The following REEP3 variants were observed in gnomAD, a reference collection of about 807,000 sequenced individuals.
The protein encoded by REEP3 is receptor expression-enhancing protein 3.
REEP3 carries 20 observed loss-of-function variants against 41.3 expected under a neutral mutation model. The observed-to-expected ratio is 0.48, with a 90% CI of 0.34 to 0.70. The LOEUF is 0.70. REEP3 is among the 30% of genes least tolerant of loss of function. The pLI, the probability that REEP3 is intolerant of heterozygous loss-of-function variation, is 0.01. For synonymous variants in REEP3, 104 were observed against 101.8 expected, an observed-to-expected ratio of 1.02 and a Z score of -0.13; for missense variants, 271 against 308.8, an observed-to-expected ratio of 0.88 and a Z score of 0.92.
chr10:63,589,557 A>G (rs972502871), intron 2 of REEP3, among the ~76,000 whole-genome samples: 2 of 152,056 alleles, frequency 1.3e-5, no homozygotes, highest in African/African-American at 4.8e-5. Context: ...CCTGCTTACC[A>G]TCTTTGGGTT....
intron 2 of REEP3, among the ~76,000 whole-genome samples, chr10:63,574,217 G>A (rs1445488159): frequency 3.3e-5 from 5 of 152,172 alleles, no homozygotes; most frequent in African/African-American, 9.6e-5. Flanking sequence ...TACGAAAGAT[G>A]ATTTAGCAGT....
At chr10:63,568,242 G>C (rs10995560) in intron 2 of REEP3, among the ~76,000 whole-genome samples, 2 of 151,498 alleles carry the variant, frequency 1.3e-5, no homozygotes, top group Non-Finnish European at 2.9e-5. Context: ...TTTGTTTTTC[G>C]AGTAAGTCAT....
intron 2 of REEP3, among the ~76,000 whole-genome samples, chr10:63,584,967 C>T (rs763066644): frequency 1.3e-5 from 2 of 152,044 alleles, no homozygotes; most frequent in Non-Finnish European, 2.9e-5. Context: ...AATCATTAGG[C>T]ATGTGTGATT....
chr10:63,613,371 T>C (rs1211590661), intron 6 of REEP3, among the ~76,000 whole-genome samples: 1 of 152,232 alleles, frequency 6.6e-6, no homozygotes, highest in Non-Finnish European at 1.5e-5. Flanking sequence ...TGTTTAGTTC[T>C]TAAATTTCAA....
At chr10:63,570,757 G>A (rs971870442) in intron 2 of REEP3, among the ~76,000 whole-genome samples, 3 of 152,194 alleles carry the variant, frequency 2.0e-5, no homozygotes, top group African/African-American at 7.2e-5. Context: ...CAAGGCATCT[G>A]CCTTTGACAG....
intron 2 of REEP3, among the ~76,000 whole-genome samples, chr10:63,570,182 C>T (rs909882830): frequency 3.3e-5 from 5 of 152,068 alleles, no homozygotes; most frequent in African/African-American, 1.2e-4. Flanking sequence ...TTTTATTCAA[C>T]TTTATAAAGA....
At chr10:63,550,774 C>T (rs1021913352) in intron 1 of REEP3, among the ~76,000 whole-genome samples, 1 of 152,030 alleles carries the variant, frequency 6.6e-6, no homozygotes, top group African/African-American at 2.4e-5. Flanking sequence ...GGCTAAGGAC[C>T]TCAGGTAGTA....
intron 2 of REEP3, among the ~76,000 whole-genome samples, chr10:63,589,500 C>T (rs528184739): frequency 1.3e-5 from 2 of 152,278 alleles, no homozygotes; most frequent in Non-Finnish European, 2.9e-5. Flanking sequence ...ATTTGTTCTC[C>T]TAGCCCCCTC....
chr10:63,589,914 C>G (rs1956044302), intron 2 of REEP3, among the ~76,000 whole-genome samples: 1 of 150,310 alleles, frequency 6.7e-6, no homozygotes, highest in African/African-American at 2.5e-5. Context: ...CCTGCCTCAG[C>G]CTCCCAAGTA....
At chr10:63,525,996 G>GT (rs1364674350) in intron 1 of REEP3, among the ~76,000 whole-genome samples, 1 of 152,164 alleles carries the variant, frequency 6.6e-6, no homozygotes, top group Non-Finnish European at 1.5e-5. Context: ...CTGGCACATA[G>GT]TAAGCATTCA....
intron 2 of REEP3, among the ~76,000 whole-genome samples, chr10:63,587,935 T>A (rs1231865466): frequency 6.6e-6 from 1 of 152,230 alleles, no homozygotes; most frequent in African/African-American, 2.4e-5. Context: ...TTTTCATACT[T>A]GTTTCATTGT....
Position 63,622,956 on chromosome 10 carries a change from C to G in REEP3, c.*2087C>G, listed in dbSNP as rs1025560703. 6.6e-6 allele frequency: 1 copy of G among 152,274 alleles called. No homozygotes were observed. Among genetic ancestry groups the G allele is most frequent in the Non-Finnish European group, 1.5e-5 (1 of 68,118 alleles). The allele number at this position is 152,274 out of a possible 1,614,324, so 9.4% of individuals were successfully genotyped here. A position where few individuals can be genotyped will look rare whatever the true frequency, so the allele number is the denominator to read the frequency against. ...TCTTGACCTCGTGATCCGCCCGCCTCGGCCTCCCAAACTTCTGGGATTACA... is the reference window on the plus strand; with the variant it reads ...TCTTGACCTCGTGATCCGCCCGCCTGGGCCTCCCAAACTTCTGGGATTACA... On this transcript the variant is annotated 3_prime_UTR_variant, in exon 8 of 8. Coordinates refer to ENST00000373758, the MANE Select transcript of REEP3 (RefSeq NM_001001330.3).
intron 2 of REEP3, among the ~76,000 whole-genome samples, chr10:63,571,148 G>A (rs781433691): frequency 6.6e-6 from 1 of 152,192 alleles, no homozygotes; most frequent in Non-Finnish European, 1.5e-5. Context: ...GAGGCTGCTA[G>A]AGAGACTAAG....
At chr10:63,532,181 A>G (rs1053430012) in intron 1 of REEP3, among the ~76,000 whole-genome samples, 1 of 152,208 alleles carries the variant, frequency 6.6e-6, no homozygotes, top group Non-Finnish European at 1.5e-5. Flanking sequence ...CTAACTATTA[A>G]CAGTGTCATT....
chr10:63,623,755 ATGTGTGTGTGTG>A lies in REEP3; in HGVS notation c.*2918_*2929del, dbSNP rs57254958. 1.8e-3 allele frequency: 250 copies of A among 142,420 alleles called. 1 individual carries two copies. The highest frequency in any genetic ancestry group is 5.1e-3 in the African/African-American group (196 of 38,296). 8.8% of individuals were successfully genotyped at this position (142,420 alleles called of 1,614,324 possible). ...CCCCCTCACATACTTCACAATATATATGTGTGTGTGTGTGTGTGTGTGTGTGTGTGTGTGTGT... is the reference window on the plus strand; with the variant it reads ...CCCCCTCACATACTTCACAATATATATGTGTGTGTGTGTGTGTGTGTGTGT... On this transcript the variant is annotated 3_prime_UTR_variant, in exon 8 of 8. Coordinates refer to ENST00000373758, the MANE Select transcript of REEP3 (RefSeq NM_001001330.3).
At chr10:63,575,770 G>T (rs945717163) in intron 2 of REEP3, among the ~76,000 whole-genome samples, 1 of 152,036 alleles carries the variant, frequency 6.6e-6, no homozygotes, top group African/African-American at 2.4e-5. Context: ...TTTTGCTCTT[G>T]CTGCCCAGGC....
chr10:63,598,101 T>C lies in REEP3; in HGVS notation c.260T>C (p.Ile87Thr), dbSNP rs748675660. ...CCCTATACCAAAGGAGCAAGTTTAA[T>C]ATATAGAAAATTCCTTCATCCACTT... ...LSPYTKGASL[I>T]YRKFLHPLLS... The change falls in exon 4 of 8, where the codon ATA becomes ACA. Residue 87 changes from isoleucine to threonine, a missense_variant. By Grantham distance (89) the Ile-to-Thr change is moderately conservative. Transcript: ENST00000373758. 1 of 1,593,280 alleles carries C rather than the reference T, an allele frequency of 6.3e-7. No individual in the cohort carries two copies. The highest frequency in any genetic ancestry group is 8.6e-7 in the Non-Finnish European group (1 of 1,161,232).
chr10:63,591,954 T>G (rs1412101379), intron 2 of REEP3, among the ~76,000 whole-genome samples: 1 of 152,242 alleles, frequency 6.6e-6, no homozygotes, highest in East Asian at 1.9e-4. Context: ...AACACAGTTG[T>G]AAAATAATGA....
At chr10:63,579,044 G>GC (rs928614961) in intron 2 of REEP3, among the ~76,000 whole-genome samples, 3 of 147,210 alleles carry the variant, frequency 2.0e-5, no homozygotes, top group Non-Finnish European at 4.5e-5. Context: ...TTTTTTTTGG[G>GC]GGGGGGGAGA....
Sources: allele counts gnomAD v4.1 joint callset (sites outside exome capture counted in the v4.1 genomes callset), GRCh38; gene constraint gnomAD v4.1.1; transcripts MANE v1.5; gene names NCBI Gene and HGNC (gene_info 2026-07-23, HGNC 2026-07-21).